Variants in OSTN observed in about 807,000 individuals in gnomAD.
OSTN encodes the protein osteocrin.
In OSTN, 9 loss-of-function variants were observed where a neutral mutation model predicts 12.0. That is an observed-to-expected ratio of 0.75 (90% CI 0.45 to 1.30). The LOEUF (loss-of-function observed/expected upper bound fraction) is 1.30, where lower values mean the gene tolerates loss of function less well. Ranked by LOEUF, OSTN falls within the 50% of genes most tolerant of loss-of-function variation. OSTN has a pLI of 0.00. For missense variants in OSTN, 148 were observed against 152.3 expected (o/e 0.97, Z 0.15); for synonymous variants, 59 against 56.9 (o/e 1.04, Z -0.16).
At chr3:191,246,183 C>T (rs988207655) in intron 3 of OSTN, among the ~76,000 whole-genome samples, 3 of 152,012 alleles carry the variant, frequency 2.0e-5, no homozygotes, top group Admixed American at 6.6e-5. Flanking sequence ...TTTCCCCAGC[C>T]GCTATTTCCT....
chr3:191,250,072 T>G lies in OSTN; in HGVS notation c.353T>G (p.Ile118Ser), dbSNP rs1467471705. 2.5e-6 allele frequency: 4 copies of G among 1,613,880 alleles called. No individual in the cohort carries two copies. In the Admixed American group the frequency reaches 6.7e-5, roughly 27 times the overall value. Residue 118 changes from isoleucine (I) to serine (S), a missense_variant, in exon 4 of 5, where the codon ATC (isoleucine) becomes AGC (serine). Physicochemically the swap from Ile to Ser is moderately radical, Grantham distance 142. Transcript: ENST00000682035. ...VVDHPKRRFG[I>S]PMDRIGRNRL... The stretch of plus-strand genomic sequence containing the variant: ...GATCATCCAAAAAGGCGATTTGGTA[T>G]CCCCATGGATCGGATTGGTAGAAAC...
In OSTN at chr3:191,238,180, G is replaced by A. The variant is rs543465467; in HGVS notation, c.318-11857G>A. On this transcript the variant is annotated intron_variant, in intron 3 of 4. Coordinates refer to ENST00000682035, the MANE Select transcript of OSTN (RefSeq NM_198184.2). The stretch of plus-strand genomic sequence containing the variant: ...GTGGGAAACACAAAAAAGGGATACA[G>A]TGTTAATCAAAATGTGACTGAGGCA... Among the ~76,000 whole-genome samples the A allele has an allele frequency of 4.6e-5, 7 of 152,248 alleles. No individual in the cohort carries two copies. In the East Asian group the frequency reaches 1.3e-3, roughly 29 times the overall value.
In OSTN at chr3:191,264,483, T is replaced by G. The variant is rs1204719636; in HGVS notation, c.*1630T>G. On this transcript the variant is annotated 3_prime_UTR_variant, in exon 5 of 5. Transcript: ENST00000682035. ...ATTTAGGAAAAATAGTAAATAATTT[T>G]TTTTCATTGTAGTAGAGGGCTGTAG... 1 of 152,174 alleles carries G rather than the reference T, an allele frequency of 6.6e-6. No individual in the cohort carries two copies. Among genetic ancestry groups the G allele is most frequent in the Non-Finnish European group, 1.5e-5 (1 of 67,986 alleles). The allele number at this position is 152,174 out of a possible 1,614,324, so 9.4% of individuals were successfully genotyped here.
intron 3 of OSTN, among the ~76,000 whole-genome samples, chr3:191,233,003 C>T (rs1393744766): frequency 6.6e-6 from 1 of 152,032 alleles, no homozygotes; most frequent in Non-Finnish European, 1.5e-5. Flanking sequence ...TTATATTGCT[C>T]CATAATCCCA....
rs148603220 is a variant in OSTN, at chr3:191,210,769, A to T, written c.1-1764A>T. On this transcript the variant is annotated intron_variant, in intron 1 of 4. Transcript: ENST00000682035. ...GAGACTTGTCATTCATAAAGGATGA[A>T]GTTGGAAGGCTTTCCCATTGCCATG... Among the ~76,000 whole-genome samples, 12 of 152,252 alleles carry T rather than the reference A, an allele frequency of 7.9e-5. No individual in the cohort carries two copies. The East Asian group carries it at 2.3e-3, about 29-fold the overall frequency.
chr3:191,223,048 A>G lies in OSTN; in HGVS notation c.317+4087A>G, dbSNP rs140752393. On this transcript the variant is annotated intron_variant, in intron 3 of 4. Coordinates refer to ENST00000682035, the MANE Select transcript of OSTN (RefSeq NM_198184.2). The stretch of plus-strand genomic sequence containing the variant: ...AAATTAAATTAAAATTCTTTCCTTT[A>G]TGAATTACCCAGTCTCAGGTATGTC... Among the ~76,000 whole-genome samples, 314 of 152,258 alleles carry G rather than the reference A, an allele frequency of 2.1e-3. 1 individual carries two copies. Among genetic ancestry groups the G allele is most frequent in the African/African-American group, 7.2e-3 (301 of 41,562 alleles).
intron 3 of OSTN, among the ~76,000 whole-genome samples, chr3:191,230,400 C>A (rs542027327): frequency 2.1e-4 from 25 of 121,612 alleles, no homozygotes; most frequent in African/African-American, 8.6e-4. Context: ...CCTGTCTCTA[C>A]TAAAATACAA....
chr3:191,230,784 G>C (rs1440541248), intron 3 of OSTN, among the ~76,000 whole-genome samples: 1 of 152,182 alleles, frequency 6.6e-6, no homozygotes, highest in Non-Finnish European at 1.5e-5. Flanking sequence ...CCTGGAGCTA[G>C]ATTGCAAAGG....
intron 1 of OSTN, among the ~76,000 whole-genome samples, chr3:191,202,849 T>C (rs2108587147): frequency 6.6e-6 from 1 of 152,328 alleles, no homozygotes; most frequent in Non-Finnish European, 1.5e-5. Context: ...ACAAATTTCA[T>C]TAACAGAATT....
At position 191,199,715 on chromosome 3, in the gene OSTN, A is replaced by T. The variant is rs900000252; in HGVS notation, c.-1+408A>T. Among the ~76,000 whole-genome samples, 3 of 152,220 alleles carry T rather than the reference A, an allele frequency of 2.0e-5. No individual in the cohort carries two copies. In the East Asian group the frequency reaches 5.8e-4, roughly 29 times the overall value. ...TTTTTTCCTCATTATTTCTATCAAAACTGGAGCTTAAGAAACATCCCTAAA... is the reference window on the plus strand; with the variant it reads ...TTTTTTCCTCATTATTTCTATCAAATCTGGAGCTTAAGAAACATCCCTAAA... On this transcript the variant is annotated intron_variant, in intron 1 of 4. Transcript: ENST00000682035.
chr3:191,219,007 C>G, intron 3 of OSTN, 46 bp downstream of exon 3: 2 of 1,485,864 alleles, frequency 1.3e-6, no homozygotes, highest in Non-Finnish European at 1.8e-6. Flanking sequence ...TAATTATTTC[C>G]TTCTGGATTC....
chr3:191,262,073 C>T (rs1715824745), intron 4 of OSTN, among the ~76,000 whole-genome samples: 1 of 152,102 alleles, frequency 6.6e-6, no homozygotes, highest in African/African-American at 2.4e-5. Flanking sequence ...AAAAATTTAG[C>T]CTGGCATGGT....
chr3:191,251,007 C>T (rs1454475578), intron 4 of OSTN, among the ~76,000 whole-genome samples: 1 of 152,116 alleles, frequency 6.6e-6, no homozygotes, highest in African/African-American at 2.4e-5. Flanking sequence ...GCTATGGGAA[C>T]TTATTTAAAT....
chr3:191,258,461 G>T (rs1715725057), intron 4 of OSTN, among the ~76,000 whole-genome samples: 1 of 152,044 alleles, frequency 6.6e-6, no homozygotes, highest in African/African-American at 2.4e-5. Flanking sequence ...TGGACACAGG[G>T]AGGGGAACAT....
intron 3 of OSTN, among the ~76,000 whole-genome samples, chr3:191,244,206 C>T (rs1715381880): frequency 6.6e-6 from 1 of 151,892 alleles, no homozygotes; most frequent in Non-Finnish European, 1.5e-5. Context: ...TGTAAAATAC[C>T]TTTAGAAATG....
Position 191,249,936 on chromosome 3 carries a change from A to G in OSTN, c.318-101A>G. ...AGTGGGAACTATCATGTTTATTCCA[A>G]CTCCCAAAGAAAGCCCCCAGAGCTA... On this transcript the variant is annotated intron_variant, in intron 3 of 4. Transcript: ENST00000682035. The G allele has an allele frequency of 4.8e-6, 4 of 829,114 alleles. No homozygotes were observed. The South Asian group carries it at 6.1e-5, about 13-fold the overall frequency. 51.4% of individuals were successfully genotyped at this position (829,114 alleles called of 1,614,324 possible).
intron 3 of OSTN, among the ~76,000 whole-genome samples, chr3:191,241,553 C>G (rs1553821502): frequency 6.6e-6 from 1 of 152,006 alleles, no homozygotes; most frequent in Non-Finnish European, 1.5e-5. Context: ...TGAAATCAGA[C>G]TATTGATTTT....
At chr3:191,208,629 A>G (rs1394517784) in intron 1 of OSTN, among the ~76,000 whole-genome samples, 1 of 152,248 alleles carries the variant, frequency 6.6e-6, no homozygotes, top group Non-Finnish European at 1.5e-5. Flanking sequence ...CCTCAGACAT[A>G]ATCATCAATA....
chr3:191,255,629 G>A (rs544471551), intron 4 of OSTN, among the ~76,000 whole-genome samples: 6 of 152,116 alleles, frequency 3.9e-5, no homozygotes, highest in African/African-American at 1.4e-4. Flanking sequence ...TTCTGAAGAA[G>A]GCAGGTAGAA....
Sources: allele counts gnomAD v4.1 joint callset (sites outside exome capture counted in the v4.1 genomes callset), GRCh38; gene constraint gnomAD v4.1.1; transcripts MANE v1.5; gene names NCBI Gene and HGNC (gene_info 2026-07-23, HGNC 2026-07-21).